The following H3-3A variants were observed in gnomAD, a reference collection of about 807,000 sequenced individuals.
The protein encoded by H3-3A is histone H3.3.
For synonymous variants in H3-3A, 49 were observed against 61.4 expected, an observed-to-expected ratio of 0.80 and a Z score of 0.95; for missense variants, 7 against 184.0, an observed-to-expected ratio of 0.04 and a Z score of 5.57.
intron 3 of H3-3A, among the ~76,000 whole-genome samples, chr1:226,067,752 A>G (rs1657975847): frequency 6.6e-6 from 1 of 152,158 alleles, no homozygotes; most frequent in Non-Finnish European, 1.5e-5. Flanking sequence ...TCAAAAAAAA[A>G]AAAAAGATAA....
chr1:226,063,731 G>A (rs1250067117), intron 1 of H3-3A, among the ~76,000 whole-genome samples: 1 of 152,208 alleles, frequency 6.6e-6, no homozygotes, highest in Non-Finnish European at 1.5e-5. Context: ...TCACTGCGAA[G>A]CCTGTGAGGA....
chr1:226,067,494 T>G (rs1451154546), intron 3 of H3-3A, among the ~76,000 whole-genome samples: 1 of 152,104 alleles, frequency 6.6e-6, no homozygotes, highest in East Asian at 1.9e-4. Context: ...ATCCCAACAC[T>G]TTGGGAGGCT....
At chr1:226,068,068 A>G (rs1376596352) in intron 3 of H3-3A, among the ~76,000 whole-genome samples, 1 of 152,258 alleles carries the variant, frequency 6.6e-6, no homozygotes, top group African/African-American at 2.4e-5. Context: ...AAAATGTCCT[A>G]AACTAATACT....
intron 3 of H3-3A, among the ~76,000 whole-genome samples, chr1:226,068,780 A>G (rs1185540435): frequency 6.6e-6 from 1 of 152,226 alleles, no homozygotes; most frequent in Non-Finnish European, 1.5e-5. Flanking sequence ...GGCACCAAAA[A>G]ATGGCTGATA....
At chr1:226,062,433 G>A (rs1657740180), upstream of H3-3A, among the ~76,000 whole-genome samples, 1 of 151,180 alleles carries the variant, frequency 6.6e-6, no homozygotes, top group Admixed American at 6.6e-5. Context: ...GCGGGGGCTG[G>A]CCGGGTGCGG....
chr1:226,068,031 G>T (rs936663025), intron 3 of H3-3A, among the ~76,000 whole-genome samples: 6 of 152,196 alleles, frequency 3.9e-5, no homozygotes, highest in African/African-American at 1.2e-4. Flanking sequence ...CTTTGAAATG[G>T]TAAAGAGGCA....
At chr1:226,063,167 G>A (rs1390744477) in intron 1 of H3-3A, among the ~76,000 whole-genome samples, 1 of 137,112 alleles carries the variant, frequency 7.3e-6, no homozygotes, top group Admixed American at 7.3e-5. Flanking sequence ...TACCGCCCCC[G>A]GGCCCCAGCC....
At position 226,065,755 on chromosome 1, in the gene H3-3A, T is replaced by A; in HGVS notation, c.228T>A (p.Ala76=). 1 of 1,610,552 alleles carries A rather than the reference T, an allele frequency of 6.2e-7. No homozygotes were observed. Among genetic ancestry groups the A allele is most frequent in the East Asian group, 2.2e-5 (1 of 44,826 alleles). Residue 76 remains alanine (A), a synonymous_variant, in exon 3 of 4, where the codon GCT becomes GCA. Transcript: ENST00000366815. ...TCCAGCGTCTGGTGCGAGAAATTGC[T>A]CAGGACTTTAAAACAGATCTGCGCT... ...LPFQRLVREI[A]QDFKTDLRFQ...
At chr1:226,062,282 G>GACGCCCGCAGGCCGGGCGT (rs1366157953), upstream of H3-3A, among the ~76,000 whole-genome samples, 71 of 150,028 alleles carry the variant, frequency 4.7e-4, no homozygotes, top group Middle Eastern at 0.01. Flanking sequence ...CGCGGCCCGA[G>GACGCCCGCAGGCCGGGCGT]ACGCCCGCAG....
upstream of H3-3A, chr1:226,062,126 T>C (rs1175509694): frequency 6.6e-6 from 1 of 151,996 alleles, no homozygotes; most frequent in Admixed American, 6.6e-5. Context: ...GCTGGATTCC[T>C]ATTTGCCAGC....
At chr1:226,063,553 G>A (rs1054324038) in intron 1 of H3-3A, among the ~76,000 whole-genome samples, 9 of 152,210 alleles carry the variant, frequency 5.9e-5, no homozygotes, top group Non-Finnish European at 1.3e-4. Flanking sequence ...TGGTCGGGGA[G>A]CCGAGTTGGT....
intron 3 of H3-3A, among the ~76,000 whole-genome samples, chr1:226,069,132 C>T (rs538453271): frequency 2.6e-5 from 4 of 151,652 alleles, no homozygotes; most frequent in Admixed American, 6.6e-5. Context: ...CTGCAGCCTC[C>T]GCCTCCCGGG....
At chr1:226,062,507 G>A (rs1262226326), upstream of H3-3A, among the ~76,000 whole-genome samples, 1 of 149,852 alleles carries the variant, frequency 6.7e-6, no homozygotes, top group Non-Finnish European at 1.5e-5. Context: ...CACACACGGC[G>A]CGAGGCGGCC....
Position 226,065,683 on chromosome 1 carries a change from T to C in H3-3A, c.156T>C (p.Ile52=), listed in dbSNP as rs532021950. 2 of 1,607,578 alleles carry C rather than the reference T, an allele frequency of 1.2e-6. No individual in the cohort carries two copies. The highest frequency in any genetic ancestry group is 1.7e-6 in the Non-Finnish European group (2 of 1,175,136). ...YRPGTVALRE[I]RRYQKSTELL... ...CTGGTACTGTGGCGCTCCGTGAAAT[T>C]AGACGTTATCAGAAGTCCACTGAAC... Residue 52 remains isoleucine (I), a synonymous_variant, in exon 3 of 4, where the codon ATT becomes ATC. Coordinates refer to ENST00000366815, the MANE Select transcript of H3-3A (RefSeq NM_002107.7).
At chr1:226,062,868 C>A in intron 1 of H3-3A, 57 bp downstream of exon 1, 2 of 156,532 alleles carry the variant, frequency 1.3e-5, no homozygotes. Flanking sequence ...CCGTCAGCCC[C>A]GAGCCGGGCC....
intron 3 of H3-3A, chr1:226,066,388 CCTTGTGGTTTCCTAAAGGGGATTAGG>C (rs1657925561): frequency 6.5e-6 from 1 of 152,776 alleles, no homozygotes; most frequent in African/African-American, 2.4e-5. Context: ...CCAGGATTTG[CCTTGTGGTTTCCTAAAGGGGATTAGG>C]GATTGCCACT....
At chr1:226,063,774 C>T (rs1159294776) in intron 1 of H3-3A, among the ~76,000 whole-genome samples, 2 of 152,012 alleles carry the variant, frequency 1.3e-5, no homozygotes, top group Non-Finnish European at 2.9e-5. Flanking sequence ...GTAGAATGCT[C>T]GCTGGTGGTA....
rs943271003 is a variant in H3-3A, at chr1:226,064,194, A to G, written c.-23-135A>G. On this transcript the variant is annotated intron_variant, in intron 1 of 3. Transcript: ENST00000366815. The stretch of plus-strand genomic sequence containing the variant: ...GGGTAGACGTAATCTTCACCCTTTC[A>G]AATTATATAACAATACGAACATTAT... 8 of 623,350 alleles carry G rather than the reference A, an allele frequency of 1.3e-5. No homozygotes were observed. In the African/African-American group the frequency reaches 1.5e-4, roughly 12 times the overall value. The allele number at this position is 623,350 out of a possible 1,614,324, so 38.6% of individuals were successfully genotyped here.
chr1:226,064,513 C>G (rs762679777), intron 2 of H3-3A, 34 bp downstream of exon 2: 42 of 1,586,568 alleles, frequency 2.6e-5, no homozygotes, highest in African/African-American at 1.3e-4. Context: ...GGGACAAAGT[C>G]TCTCTTGTAT....
Sources: gnomAD v4.1 joint callset for allele counts (sites outside exome capture counted in the v4.1 genomes callset) on GRCh38, gnomAD v4.1.1 for gene constraint, MANE v1.5 for transcripts, NCBI Gene and HGNC (gene_info 2026-07-23, HGNC 2026-07-21) for gene names.